The following SIDT1 variants were observed in gnomAD, a reference collection of about 807,000 sequenced individuals.
The protein encoded by SIDT1 is SID1 transmembrane family member 1, also known as SID1 transmembrane family, member 1.
A neutral mutation model predicts 107.5 loss-of-function variants in SIDT1; 101 were observed. The observed-to-expected ratio is 0.94, with a 90% confidence interval of 0.80 to 1.11. SIDT1 has a LOEUF of 1.11. Ranked by LOEUF, SIDT1 falls within the 50% of genes least tolerant of loss-of-function variation. SIDT1 has a pLI of 0.00. For synonymous variants in SIDT1, 395 were observed against 398.2 expected (o/e 0.99, Z 0.10); for missense variants, 1,076 against 1,058.2 (o/e 1.02, Z -0.23).
intron 22 of SIDT1, 32 bp from the exon 23 acceptor site, chr3:113,623,591 G>GC: frequency 6.3e-7 from 1 of 1,599,508 alleles, no homozygotes; most frequent in Non-Finnish European, 8.6e-7. Flanking sequence ...AGGCGGGGTC[G>GC]CGTGAGGCCG....
chr3:113,631,460 T>C (rs1330374864), downstream of SIDT1, among the ~76,000 whole-genome samples: 1 of 152,252 alleles, frequency 6.6e-6, no homozygotes, highest in African/African-American at 2.4e-5. Flanking sequence ...CTTGAAGCAA[T>C]GGAAAATGCT....
chr3:113,545,586 C>T (rs926603107), intron 1 of SIDT1, among the ~76,000 whole-genome samples: 17 of 152,218 alleles, frequency 1.1e-4, no homozygotes, highest in African/African-American at 3.1e-4. Flanking sequence ...TAAGGAATCA[C>T]AAGGAAAGAT....
At chr3:113,574,887 C>T (rs998278356) in intron 3 of SIDT1, among the ~76,000 whole-genome samples, 2 of 152,118 alleles carry the variant, frequency 1.3e-5, no homozygotes, top group Non-Finnish European at 1.5e-5. Flanking sequence ...AATCCATGAG[C>T]TTCAGTTAGC....
intron 1 of SIDT1, among the ~76,000 whole-genome samples, chr3:113,552,909 GT>G (rs1940432587): frequency 6.6e-6 from 1 of 152,140 alleles, no homozygotes; most frequent in African/African-American, 2.4e-5. Flanking sequence ...ACATGCAAGG[GT>G]TTTGGATGCT....
downstream of SIDT1, among the ~76,000 whole-genome samples, chr3:113,630,930 C>G (rs1947088781): frequency 3.3e-5 from 5 of 152,292 alleles, no homozygotes; most frequent in South Asian, 1.0e-3. Context: ...CGTTTCCTGT[C>G]CTCAGCTCCA....
At chr3:113,602,222 T>C (rs931472388) in intron 11 of SIDT1, among the ~76,000 whole-genome samples, 3 of 152,228 alleles carry the variant, frequency 2.0e-5, no homozygotes, top group African/African-American at 7.2e-5. Context: ...TAGAAGCTCA[T>C]TGAGCTGCCT....
At chr3:113,627,511 T>C (rs1285004338) in intron 24 of SIDT1, 135 bp from the exon 25 acceptor site, 1 of 710,364 alleles carries the variant, frequency 1.4e-6, no homozygotes, top group Non-Finnish European at 2.5e-6. Flanking sequence ...AGCAAAGGAT[T>C]GCAGAGAGCT....
chr3:113,573,174 G>A (rs925468827), intron 3 of SIDT1, among the ~76,000 whole-genome samples: 1 of 152,286 alleles, frequency 6.6e-6, no homozygotes, highest in African/African-American at 2.4e-5. Flanking sequence ...GTCTGGTGAG[G>A]TTTACTGACA....
At chr3:113,631,924 A>G (rs1947097755), downstream of SIDT1, among the ~76,000 whole-genome samples, 1 of 152,244 alleles carries the variant, frequency 6.6e-6, no homozygotes, top group South Asian at 2.1e-4. Flanking sequence ...ATATCTCTAG[A>G]TTAAGAGATT....
At chr3:113,622,313 A>G (rs1252583930) in intron 21 of SIDT1, among the ~76,000 whole-genome samples, 1 of 151,770 alleles carries the variant, frequency 6.6e-6, no homozygotes, top group Non-Finnish European at 1.5e-5. Flanking sequence ...AAATACAAAA[A>G]ATTAGCTGGG....
intron 1 of SIDT1, among the ~76,000 whole-genome samples, chr3:113,543,025 C>G (rs1431850237): frequency 6.6e-6 from 1 of 151,776 alleles, no homozygotes; most frequent in Non-Finnish European, 1.5e-5. Context: ...CACTGCAACT[C>G]GACCTCCCAG....
At chr3:113,608,005 T>C in intron 15 of SIDT1, 89 bp from the exon 16 acceptor site, 1 of 1,355,256 alleles carries the variant, frequency 7.4e-7, no homozygotes, top group South Asian at 1.9e-5. Context: ...ACATTCATGC[T>C]GAATTCATTC....
intron 1 of SIDT1, among the ~76,000 whole-genome samples, chr3:113,544,844 C>T (rs1027680251): frequency 3.9e-5 from 6 of 151,924 alleles, no homozygotes; most frequent in Non-Finnish European, 7.4e-5. Context: ...CCAGGTGCGG[C>T]GGCTCAAGCC....
chr3:113,607,781 C>T (rs1576940318), intron 15 of SIDT1, among the ~76,000 whole-genome samples: 2 of 152,316 alleles, frequency 1.3e-5, no homozygotes, highest in African/African-American at 4.8e-5. Context: ...ACTTGCCTGT[C>T]TTTGAAGCAG....
At chr3:113,578,482 A>AAC (rs1392711119) in intron 4 of SIDT1, among the ~76,000 whole-genome samples, 1 of 151,078 alleles carries the variant, frequency 6.6e-6, no homozygotes, top group African/African-American at 2.4e-5. Flanking sequence ...AAAAAAAAAA[A>AAC]AGAAGAGGAA....
chr3:113,580,935 A>G (rs1030814517), intron 5 of SIDT1, among the ~76,000 whole-genome samples: 1 of 152,190 alleles, frequency 6.6e-6, no homozygotes, highest in African/African-American at 2.4e-5. Flanking sequence ...CAACAAAGCA[A>G]AGAAGGAAAG....
At chr3:113,544,196 TTTGTTTGTTTG>T (rs766714552) in intron 1 of SIDT1, among the ~76,000 whole-genome samples, 19,752 of 151,874 alleles carry the variant, frequency 0.13, 1,773 homozygotes, top group African/African-American at 0.25. Flanking sequence ...TGTTTGTTTG[TTTGTTTGTTTG>T]TTTAAATGGA....
the SIDT1 span, among the ~76,000 whole-genome samples, chr3:113,635,921 G>T: frequency 6.6e-6 from 1 of 151,436 alleles, no homozygotes; most frequent in Non-Finnish European, 1.5e-5. Flanking sequence ...TTAGACAAAG[G>T]AACTACCTGC....
chr3:113,571,260 C>A (rs1414993669), intron 3 of SIDT1, among the ~76,000 whole-genome samples: 7 of 151,954 alleles, frequency 4.6e-5, no homozygotes, highest in South Asian at 4.1e-4. Context: ...AAAATAAAAA[C>A]CAAAAAAATT....
Sources: allele counts gnomAD v4.1 joint callset (sites outside exome capture counted in the v4.1 genomes callset), GRCh38; gene constraint gnomAD v4.1.1; transcripts MANE v1.5; gene names NCBI Gene and HGNC (gene_info 2026-07-23, HGNC 2026-07-21).